The following CFAP47 variants were observed in gnomAD, a reference collection of about 807,000 sequenced individuals.
The protein encoded by CFAP47 is cilia and flagella associated protein 47, also known as cilia- and flagella-associated protein 47.
In CFAP47, 29 loss-of-function variants were observed where a neutral mutation model predicts 148.1. That is an observed-to-expected ratio of 0.20 (90% CI 0.15 to 0.27). The LOEUF (loss-of-function observed/expected upper bound fraction) is 0.27. CFAP47 is among the 10% of genes least tolerant of loss of function. The pLI is 1.00. For synonymous variants in CFAP47, 664 were observed against 577.3 expected (o/e 1.15, Z -2.15); for missense variants, 1,872 against 1,697.5 (o/e 1.10, Z -1.81).
At position 36,317,731 on chromosome X, in the gene CFAP47, T is replaced by C. The variant is rs782156065; in HGVS notation, c.8345-1478T>C. On this transcript the variant is annotated intron_variant, in intron 56 of 63. Transcript: ENST00000378653. ...CCGTGCCTGGCCTATATTAAGTCTT[T>C]ATAACTTAGTTTAATTGGGTTATTT... Among the ~76,000 whole-genome samples the C allele has an allele frequency of 4.1e-4, 45 of 111,063 alleles. 2 individuals are homozygous for C. The South Asian group carries it at 4.9e-3, about 12-fold the overall frequency.
At chrX:36,261,183 T>G (rs1029551775) in intron 49 of CFAP47, among the ~76,000 whole-genome samples, 4 of 104,617 alleles carry the variant, frequency 3.8e-5, no homozygotes, top group African/African-American at 1.4e-4. Context: ...TCACTGACAG[T>G]GTAGCTGTGG....
chrX:36,364,105 G>A (rs1295415777), intron 61 of CFAP47, among the ~76,000 whole-genome samples: 2 of 111,109 alleles, frequency 1.8e-5, no homozygotes, highest in African/African-American at 6.5e-5. Flanking sequence ...GTTTGTGGGT[G>A]GCAACTTAAA....
Position 36,236,094 on chromosome X carries a change from A to G in CFAP47, c.7158+17A>G, listed in dbSNP as rs1555994557. 2.2e-6 allele frequency: 1 copy of G among 453,202 alleles called. No individual in the cohort carries two copies. The allele number at this position is 453,202 out of a possible 1,213,427, so 37.3% of individuals were successfully genotyped here. A position where few individuals can be genotyped will look rare whatever the true frequency, so the allele number is the denominator to read the frequency against. On this transcript the variant is annotated intron_variant, in intron 47 of 63. Transcript: ENST00000378653. Reference sequence around the variant, plus strand: ...GTCATTACGGTATGAACTCCTTGATATTTTCCCCAGTATTAATTAATAGTA... The same window carrying G: ...GTCATTACGGTATGAACTCCTTGATGTTTTCCCCAGTATTAATTAATAGTA...
chrX:36,294,022 T>G (rs1405931684), intron 51 of CFAP47, among the ~76,000 whole-genome samples: 1 of 111,219 alleles, frequency 9.0e-6, no homozygotes, highest in Non-Finnish European at 1.9e-5. Context: ...AAGCTTGAGC[T>G]TATTTGAAAG....
intron 39 of CFAP47, among the ~76,000 whole-genome samples, chrX:36,175,565 G>T (rs1281334930): frequency 1.8e-5 from 2 of 111,903 alleles, no homozygotes; most frequent in Admixed American, 9.5e-5. Context: ...GCCGTGTGAA[G>T]TGTCAGTCTG....
At position 35,956,087 on chromosome X, in the gene CFAP47, G is replaced by A. The variant is rs1936241043; in HGVS notation, c.1301G>A (p.Cys434Tyr). The A allele has an allele frequency of 1.1e-5, 13 of 1,209,408 alleles. No homozygotes were observed. Among genetic ancestry groups the A allele is most frequent in the African/African-American group, 1.8e-5 (1 of 57,101 alleles). ...ATGGGTGAACGTTCAGAAATTCAGTGCATCATAAAAAATCAATGCGAATTA... is the reference window on the plus strand; with the variant it reads ...ATGGGTGAACGTTCAGAAATTCAGTACATCATAAAAAATCAATGCGAATTA... ...CFMGERSEIQ[C>Y]IIKNQCELLP... Residue 434 changes from cysteine (C) to tyrosine (Y), a missense_variant, in exon 8 of 64, where the codon TGC becomes TAC. Cys to Tyr is a radical substitution (Grantham distance 194, BLOSUM62 -2). Transcript: ENST00000378653.
At chrX:35,935,011 G>A (rs1368414759) in intron 2 of CFAP47, among the ~76,000 whole-genome samples, 1 of 110,873 alleles carries the variant, frequency 9.0e-6, no homozygotes, top group African/African-American at 3.3e-5. Context: ...GGAGCCATGA[G>A]CTATGCAGCC....
chrX:36,367,032 C>T lies in CFAP47; in HGVS notation c.9090C>T (p.Ile3030=), dbSNP rs781932104. 1.5e-5 allele frequency: 17 copies of T among 1,151,470 alleles called. No homozygotes were observed. The East Asian group carries it at 4.6e-4, about 31-fold the overall frequency. The allele number at this position is 1,151,470 out of a possible 1,213,427, so 94.9% of individuals were successfully genotyped here. A position where few individuals can be genotyped will look rare whatever the true frequency, so the allele number is the denominator to read the frequency against. Residue 3030 remains isoleucine, a synonymous_variant, in exon 62 of 64, where the codon ATC becomes ATT. Coordinates refer to ENST00000378653, the MANE Select transcript of CFAP47 (RefSeq NM_001304548.2). The part of the protein sequence containing the change: ...EGIWKFPIML[I]ATEPDTDAVI... The stretch of plus-strand genomic sequence containing the variant: ...TCTGGAAGTTTCCCATAATGTTGAT[C>T]GCTACTGAACCTGATACGGATGCTG...
chrX:35,987,787 A>T (rs1156582218), intron 15 of CFAP47, among the ~76,000 whole-genome samples: 14 of 111,642 alleles, frequency 1.3e-4, no homozygotes, highest in Non-Finnish European at 2.6e-4. Flanking sequence ...TACCATGGGG[A>T]AAGTGTAGTG....
At chrX:36,263,707 G>A (rs1203132750) in intron 49 of CFAP47, among the ~76,000 whole-genome samples, 1 of 111,700 alleles carries the variant, frequency 9.0e-6, no homozygotes, top group Non-Finnish European at 1.9e-5. Context: ...TGCCCAGGGC[G>A]AGTCCAGAAA....
chrX:36,173,565 G>C (rs1939620047), intron 39 of CFAP47, among the ~76,000 whole-genome samples: 1 of 111,670 alleles, frequency 9.0e-6, no homozygotes, highest in Admixed American at 9.5e-5. Context: ...GTACTCAGTA[G>C]TCATTCAGGA....
At chrX:36,090,987 AG>A (rs1833419371) in intron 30 of CFAP47, among the ~76,000 whole-genome samples, 1 of 111,751 alleles carries the variant, frequency 8.9e-6, no homozygotes. Context: ...ACTATGTAAA[AG>A]TTTAATGAAA....
At chrX:36,026,323 A>C (rs1329595904) in intron 22 of CFAP47, among the ~76,000 whole-genome samples, 1 of 111,698 alleles carries the variant, frequency 9.0e-6, no homozygotes, top group African/African-American at 3.2e-5. Flanking sequence ...TATATTTAAG[A>C]TGTACAACAT....
In CFAP47 at chrX:36,320,181, A is replaced by G. The variant is rs1364298396; in HGVS notation, c.8443+874A>G. On this transcript the variant is annotated intron_variant, in intron 57 of 63. Transcript: ENST00000378653. ...CCACCTGTGTATTGATGAATAGGAAAAATTCTAAGAACTAATGAAGTTTCT... is the reference window on the plus strand; with the variant it reads ...CCACCTGTGTATTGATGAATAGGAAGAATTCTAAGAACTAATGAAGTTTCT... Among the ~76,000 whole-genome samples, 4 of 111,857 alleles carry G rather than the reference A, an allele frequency of 3.6e-5. No individual in the cohort carries two copies. The East Asian group carries it at 1.1e-3, about 31-fold the overall frequency.
At chrX:36,236,234 CAT>C (rs1284385077) in intron 47 of CFAP47, among the ~76,000 whole-genome samples, 157 bp downstream of exon 47, 5 of 112,060 alleles carry the variant, frequency 4.5e-5, no homozygotes, top group African/African-American at 1.6e-4. Flanking sequence ...AACTTTAATA[CAT>C]GTTTTAATTT....
intron 28 of CFAP47, 64 bp downstream of exon 28, chrX:36,072,035 CTTAAT>C: frequency 3.4e-6 from 3 of 874,387 alleles, no homozygotes; most frequent in South Asian, 6.5e-5. Context: ...CTTAATATCA[CTTAAT>C]TTAAGGTTAG....
intron 8 of CFAP47, among the ~76,000 whole-genome samples, chrX:35,957,525 T>C (rs1191963680): frequency 1.8e-5 from 2 of 112,145 alleles, no homozygotes; most frequent in Non-Finnish European, 3.8e-5. Context: ...CCCTCCAAAT[T>C]TGGATAGATG....
intron 29 of CFAP47, among the ~76,000 whole-genome samples, chrX:36,080,160 G>A (rs775549984): frequency 1.8e-5 from 2 of 112,056 alleles, no homozygotes; most frequent in Admixed American, 9.5e-5. Flanking sequence ...CATTTATGCA[G>A]CCAACAAACA....
chrX:36,286,924 T>G (rs182399386), intron 51 of CFAP47, among the ~76,000 whole-genome samples: 2 of 111,493 alleles, frequency 1.8e-5, no homozygotes, highest in Admixed American at 1.9e-4. Context: ...AAGTGGTGTA[T>G]AAAGTGCCTT....
Sources: gnomAD v4.1 joint callset for allele counts (sites outside exome capture counted in the v4.1 genomes callset) on GRCh38, gnomAD v4.1.1 for gene constraint, MANE v1.5 for transcripts, NCBI Gene and HGNC (gene_info 2026-07-23, HGNC 2026-07-21) for gene names.